Variants in ADAMTSL1 observed in about 807,000 individuals in gnomAD.
The protein encoded by ADAMTSL1 is ADAMTS like 1, also known as ADAMTS-like protein 1.
In ADAMTSL1, 126 loss-of-function variants were observed where a neutral mutation model predicts 201.8. The observed-to-expected ratio is 0.62, with a 90% CI of 0.54 to 0.72. The LOEUF is 0.72. Among genes scored for constraint, ADAMTSL1 ranks in the 30% least tolerant of loss-of-function variants. The probability of loss-of-function intolerance (pLI) is 0.00; values close to 1 mark genes in which losing one functional copy is unlikely to be tolerated. For missense variants in ADAMTSL1, 2,679 were observed against 2,277.8 expected (o/e 1.18, Z -3.59); for synonymous variants, 1,121 against 903.4 (o/e 1.24, Z -4.32).
chr9:18,729,557 A>G (rs888395637), intron 15 of ADAMTSL1, among the ~76,000 whole-genome samples: 5 of 152,220 alleles, frequency 3.3e-5, no homozygotes, highest in African/African-American at 1.2e-4. Flanking sequence ...AAGGGATACA[A>G]ATATCCTGCA....
At chr9:18,254,349 T>TTTTTTTTG (rs1831587453) in intron 2 of ADAMTSL1, among the ~76,000 whole-genome samples, 1 of 34,672 alleles carries the variant, frequency 2.9e-5, no homozygotes, top group Non-Finnish European at 5.2e-5. Flanking sequence ...TTTTTGGTTT[T>TTTTTTTTG]TTTTTTTTTT....
chr9:18,422,345 C>T (rs1214465189), intron 2 of ADAMTSL1, among the ~76,000 whole-genome samples: 2 of 152,202 alleles, frequency 1.3e-5, no homozygotes, highest in African/African-American at 4.8e-5. Context: ...CTTCCTACAC[C>T]TCACTGAATT....
At chr9:18,754,031 A>G (rs1413505820) in intron 16 of ADAMTSL1, among the ~76,000 whole-genome samples, 1 of 152,228 alleles carries the variant, frequency 6.6e-6, no homozygotes, top group Non-Finnish European at 1.5e-5. Flanking sequence ...ACTGTTTCAA[A>G]ACAGGGGTTG....
chr9:18,351,060 T>G (rs918387848), intron 2 of ADAMTSL1, among the ~76,000 whole-genome samples: 1 of 152,050 alleles, frequency 6.6e-6, no homozygotes, highest in Non-Finnish European at 1.5e-5. Flanking sequence ...CTCGTTACAA[T>G]GAAATAACTA....
At chr9:18,386,760 G>A (rs771669103) in intron 2 of ADAMTSL1, among the ~76,000 whole-genome samples, 19 of 151,874 alleles carry the variant, frequency 1.3e-4, no homozygotes, top group African/African-American at 3.9e-4. Context: ...TAACATTTTC[G>A]GATCCTTTAG....
chr9:18,591,125 T>G lies in ADAMTSL1; in HGVS notation c.474+16859T>G, dbSNP rs1021881623. Among the ~76,000 whole-genome samples the G allele has an allele frequency of 2.3e-4, 35 of 152,284 alleles. 1 individual carries two copies. The highest frequency in any genetic ancestry group is 2.0e-3 in the Admixed American group (31 of 15,290). The stretch of plus-strand genomic sequence containing the variant: ...GATCTGTCCATTGCTAAAAGTGGGG[T>G]GCCCTACTATTTTTGTATTGCCATC... On this transcript the variant is annotated intron_variant, in intron 4 of 28. Transcript: ENST00000380548.
intron 2 of ADAMTSL1, among the ~76,000 whole-genome samples, chr9:18,298,743 G>A (rs1372555234): frequency 6.6e-6 from 1 of 151,888 alleles, no homozygotes; most frequent in Admixed American, 6.6e-5. Flanking sequence ...ACAATAATAG[G>A]CCGGGCTCGG....
At chr9:17,967,542 C>T (rs1043889249) in intron 1 of ADAMTSL1, among the ~76,000 whole-genome samples, 2 of 152,016 alleles carry the variant, frequency 1.3e-5, no homozygotes, top group African/African-American at 2.4e-5. Context: ...TGTAAAATAC[C>T]ATTACACCAA....
intron 2 of ADAMTSL1, among the ~76,000 whole-genome samples, chr9:18,506,402 G>A (rs896008792): frequency 6.6e-6 from 1 of 152,126 alleles, no homozygotes; most frequent in African/African-American, 2.4e-5. Flanking sequence ...TTATAGAGGT[G>A]AGCCAAAACA....
intron 4 of ADAMTSL1, among the ~76,000 whole-genome samples, chr9:18,619,033 T>G (rs372733221): frequency 1.3e-5 from 2 of 152,184 alleles, no homozygotes; most frequent in African/African-American, 2.4e-5. Context: ...CAGGCTTTCT[T>G]GAGCAGACGC....
chr9:17,907,444 T>A lies in ADAMTSL1; in HGVS notation c.87+522T>A, dbSNP rs554714052. Among the ~76,000 whole-genome samples, 6 of 152,256 alleles carry A rather than the reference T, an allele frequency of 3.9e-5. No individual in the cohort carries two copies. The South Asian group carries it at 1.2e-3, about 32-fold the overall frequency. Reference sequence around the variant, plus strand: ...GCCGAGTGTCGGGGGCGCAGCGTTGTAATGTGTGCGGACGCCGGACCAGGT... The same window carrying A: ...GCCGAGTGTCGGGGGCGCAGCGTTGAAATGTGTGCGGACGCCGGACCAGGT... On this transcript the variant is annotated intron_variant, in intron 1 of 29. Transcript: ENST00000680146.
chr9:18,482,098 T>A (rs915252321), intron 1 of ADAMTSL1, among the ~76,000 whole-genome samples: 10 of 152,360 alleles, frequency 6.6e-5, no homozygotes, highest in African/African-American at 2.4e-4. Context: ...CTAAAGTTCT[T>A]ATTAAAATAA....
At position 18,680,502 on chromosome 9, in the gene ADAMTSL1, C is replaced by T. The variant is rs1167483162; in HGVS notation, c.1327C>T (p.Gln443Ter). 1 of 1,614,122 alleles carries T rather than the reference C, an allele frequency of 6.2e-7. No homozygotes were observed. Among genetic ancestry groups the T allele is most frequent in the South Asian group, 1.1e-5 (1 of 91,074 alleles). The change falls in exon 11 of 29, where the codon CAG becomes TAG. Residue 443 changes from glutamine (Q) to a stop codon, truncating the protein, a stop_gained. Transcript: ENST00000380548. LOFTEE classifies it high-confidence loss of function. ...TTTTGACTGCCCTAAATGGCTGGCACAGGAGTGGTCTCCGGTAACTGTGCC... is the reference window on the plus strand; with the variant it reads ...TTTTGACTGCCCTAAATGGCTGGCATAGGAGTGGTCTCCGGTAACTGTGCC... Reference protein sequence around the residue: ...NIFDCPKWLAQEWSPCTVTCG... With the variant: ...NIFDCPKWLA
At position 18,745,939 on chromosome 9, in the gene ADAMTSL1, C is replaced by T. The variant is rs554380637; in HGVS notation, c.2007-7359C>T. ...CCTGTCCCAGGCCAGAGGACCACTCCCCACCAAACCTCACACTAAAGTTCA... is the reference window on the plus strand; with the variant it reads ...CCTGTCCCAGGCCAGAGGACCACTCTCCACCAAACCTCACACTAAAGTTCA... On this transcript the variant is annotated intron_variant, in intron 15 of 28. Coordinates refer to ENST00000380548, the MANE Select transcript of ADAMTSL1 (RefSeq NM_001040272.6). 3.9e-5 allele frequency among the ~76,000 whole-genome samples: 6 copies of T among 152,280 alleles called. No individual in the cohort carries two copies. The East Asian group carries it at 1.2e-3, about 29-fold the overall frequency.
At chr9:18,064,871 A>G (rs1304238936) in intron 1 of ADAMTSL1, among the ~76,000 whole-genome samples, 1 of 150,610 alleles carries the variant, frequency 6.6e-6, no homozygotes, top group African/African-American at 2.4e-5. Flanking sequence ...GGAACAAAAT[A>G]TTATATATAA....
intron 2 of ADAMTSL1, among the ~76,000 whole-genome samples, chr9:18,350,136 C>G (rs1053857518): frequency 2.0e-5 from 3 of 151,976 alleles, no homozygotes; most frequent in African/African-American, 7.2e-5. Context: ...AGCACACACT[C>G]CTCTCTCCTG....
intron 23 of ADAMTSL1, among the ~76,000 whole-genome samples, chr9:18,881,778 T>C (rs1168066927): frequency 6.6e-6 from 1 of 152,164 alleles, no homozygotes; most frequent in Non-Finnish European, 1.5e-5. Flanking sequence ...GGTATGCCTG[T>C]ATTATGAAGG....
intron 16 of ADAMTSL1, among the ~76,000 whole-genome samples, chr9:18,767,421 A>G (rs1033786937): frequency 6.6e-6 from 1 of 152,194 alleles, no homozygotes; most frequent in African/African-American, 2.4e-5. Context: ...GGCTACTTAT[A>G]AAAAGAAAGA....
At chr9:18,661,671 A>G (rs1219239455) in intron 8 of ADAMTSL1, among the ~76,000 whole-genome samples, 1 of 152,162 alleles carries the variant, frequency 6.6e-6, no homozygotes, top group Non-Finnish European at 1.5e-5. Context: ...TTCTTACCAG[A>G]GTCTTATTAT....
Sources: allele counts gnomAD v4.1 joint callset (sites outside exome capture counted in the v4.1 genomes callset), GRCh38; gene constraint gnomAD v4.1.1; transcripts MANE v1.5; gene names NCBI Gene and HGNC (gene_info 2026-07-23, HGNC 2026-07-21).